SGCZ: variants seen among roughly 807,000 people sequenced by gnomAD.
SGCZ encodes the protein sarcoglycan zeta.
In SGCZ, 40 loss-of-function variants were observed where a neutral mutation model predicts 41.3. The ratio of observed to expected loss-of-function variants is 0.97; its 90% confidence interval spans 0.75 to 1.26. The LOEUF is 1.26. Ranked by LOEUF, SGCZ falls within the 50% of genes most tolerant of loss-of-function variation. The probability of loss-of-function intolerance (pLI) is 0.00; values close to 1 mark genes in which losing one functional copy is unlikely to be tolerated. For synonymous variants in SGCZ, 206 were observed against 137.5 expected (o/e 1.50, Z -3.49); for missense variants, 552 against 369.8 (o/e 1.49, Z -4.04).
chr8:14,843,287 T>C (rs183010519), intron 1 of SGCZ, among the ~76,000 whole-genome samples: 14 of 151,850 alleles, frequency 9.2e-5, no homozygotes, highest in Non-Finnish European at 8.8e-5. Flanking sequence ...AGTTAAGTCT[T>C]TTTTTTTAAT....
rs150478892 is a variant in SGCZ at position 14,728,798 on chromosome 8, A to G, written c.40-173872T>C. Among the ~76,000 whole-genome samples, 428 of 152,322 alleles carry G rather than the reference A, an allele frequency of 2.8e-3. 2 individuals are homozygous for G. The highest frequency in any genetic ancestry group is 9.7e-3 in the African/African-American group (403 of 41,578). ...AATTAAATGGTCACTAGGGGACACA[A>G]TGAAACAAAGTTGAATGCGTGTGGT... On this transcript the variant is annotated intron_variant, in intron 1 of 7. Coordinates refer to ENST00000382080, the MANE Select transcript of SGCZ (RefSeq NM_139167.4).
At chr8:14,094,211 T>C (rs1801774415) in intron 7 of SGCZ, among the ~76,000 whole-genome samples, 2 of 152,074 alleles carry the variant, frequency 1.3e-5, no homozygotes. Context: ...GTTACATAGG[T>C]ATTCATGTGC....
intron 1 of SGCZ, among the ~76,000 whole-genome samples, chr8:14,619,748 C>A (rs1563157903): frequency 6.6e-6 from 1 of 152,078 alleles, no homozygotes; most frequent in Non-Finnish European, 1.5e-5. Flanking sequence ...TTTGAAGGAC[C>A]TTTTCAAGGA....
In SGCZ at chr8:15,100,042, C is replaced by G. The variant is rs373701016; in HGVS notation, c.39+137543G>C. Among the ~76,000 whole-genome samples the G allele has an allele frequency of 2.3e-4, 35 of 152,116 alleles. No homozygotes were observed. In the East Asian group the frequency reaches 5.0e-3, roughly 22 times the overall value. On this transcript the variant is annotated intron_variant, in intron 1 of 7. Transcript: ENST00000382080. ...GAGATAATTTTTCCCAAAACAGTAA[C>G]AAAACAAAGATGTCTTTTCTTACCA...
intron 1 of SGCZ, among the ~76,000 whole-genome samples, chr8:14,558,508 G>A (rs977557374): frequency 6.6e-6 from 1 of 151,082 alleles, no homozygotes; most frequent in African/African-American, 2.4e-5. Flanking sequence ...CCGGAAGGCA[G>A]AGGTTGCAGT....
chr8:14,910,433 T>G (rs757810966), intron 1 of SGCZ, among the ~76,000 whole-genome samples: 1 of 152,066 alleles, frequency 6.6e-6, no homozygotes, highest in African/African-American at 2.4e-5. Context: ...TTTAGTAAAT[T>G]TGAAATCTTA....
At chr8:14,595,126 ACAAAT>A (rs2117295966) in intron 1 of SGCZ, among the ~76,000 whole-genome samples, 1 of 150,442 alleles carries the variant, frequency 6.6e-6, no homozygotes, top group Admixed American at 6.6e-5. Context: ...AATAATGATG[ACAAAT>A]GAAACTGGAA....
chr8:15,076,383 GAA>G (rs1805531495), intron 1 of SGCZ, among the ~76,000 whole-genome samples: 1 of 152,108 alleles, frequency 6.6e-6, no homozygotes, highest in Non-Finnish European at 1.5e-5. Flanking sequence ...ATGGGAGAGA[GAA>G]AAGGAGAGAA....
intron 1 of SGCZ, among the ~76,000 whole-genome samples, chr8:14,859,308 G>C (rs1803644096): frequency 6.6e-6 from 1 of 152,042 alleles, no homozygotes; most frequent in Non-Finnish European, 1.5e-5. Context: ...GTGACCACTA[G>C]CATATTTTGG....
chr8:14,896,834 G>A (rs963028710), intron 1 of SGCZ, among the ~76,000 whole-genome samples: 2 of 151,224 alleles, frequency 1.3e-5, no homozygotes, highest in Admixed American at 1.3e-4. Context: ...GCTCTGGAGT[G>A]CAGTGGTGTG....
At chr8:14,406,405 T>A (rs1799212684) in intron 2 of SGCZ, among the ~76,000 whole-genome samples, 1 of 152,178 alleles carries the variant, frequency 6.6e-6, no homozygotes, top group Non-Finnish European at 1.5e-5. Flanking sequence ...TAAATTATTT[T>A]CTGCTTCTAG....
intron 3 of SGCZ, among the ~76,000 whole-genome samples, chr8:14,313,431 A>T (rs575811362): frequency 6.6e-6 from 1 of 152,264 alleles, no homozygotes; most frequent in South Asian, 2.1e-4. Flanking sequence ...CTCATGCCTC[A>T]GCCTCCTCCC....
chr8:15,011,882 A>G (rs1422637069), intron 1 of SGCZ, among the ~76,000 whole-genome samples: 1 of 152,212 alleles, frequency 6.6e-6, no homozygotes, highest in East Asian at 1.9e-4. Context: ...CATTTGTACT[A>G]TAAGTTTATT....
chr8:14,637,524 A>G (rs1404464140), intron 1 of SGCZ, among the ~76,000 whole-genome samples: 1 of 151,616 alleles, frequency 6.6e-6, no homozygotes, highest in Non-Finnish European at 1.5e-5. Flanking sequence ...CTTTACATCC[A>G]TACGTGCTCA....
At chr8:14,204,038 C>A (rs1241166025) in intron 4 of SGCZ, among the ~76,000 whole-genome samples, 1 of 151,962 alleles carries the variant, frequency 6.6e-6, no homozygotes, top group African/African-American at 2.4e-5. Flanking sequence ...GGGAGACAGC[C>A]TGGTGCATGT....
intron 5 of SGCZ, among the ~76,000 whole-genome samples, chr8:14,116,004 T>C (rs547699147): frequency 4.9e-4 from 75 of 152,202 alleles, no homozygotes; most frequent in African/African-American, 1.8e-3. Flanking sequence ...TAGAGATTCA[T>C]CTCAGCAGCA....
chr8:14,689,391 G>C (rs537277833), intron 1 of SGCZ, among the ~76,000 whole-genome samples: 1 of 152,118 alleles, frequency 6.6e-6, no homozygotes, highest in Non-Finnish European at 1.5e-5. Context: ...TTATAAAGAT[G>C]TATATGTCAA....
chr8:14,584,732 A>G (rs1805004959), intron 1 of SGCZ, among the ~76,000 whole-genome samples: 1 of 152,074 alleles, frequency 6.6e-6, no homozygotes, highest in Admixed American at 6.6e-5. Context: ...ATAATTACAC[A>G]TAAAGAAGGG....
chr8:14,656,406 C>T (rs1334352818), intron 1 of SGCZ, among the ~76,000 whole-genome samples: 1 of 119,660 alleles, frequency 8.4e-6, no homozygotes, highest in Admixed American at 9.2e-5. Flanking sequence ...TCTCTTTCCT[C>T]CTCTCCTCTC....
Sources: allele counts gnomAD v4.1 joint callset (sites outside exome capture counted in the v4.1 genomes callset), GRCh38; gene constraint gnomAD v4.1.1; transcripts MANE v1.5; gene names NCBI Gene and HGNC (gene_info 2026-07-23, HGNC 2026-07-21).